ADAMTS10: variants seen among roughly 807,000 people sequenced by gnomAD.
The protein encoded by ADAMTS10 is A disintegrin and metalloproteinase with thrombospondin motifs 10.
In ADAMTS10, 48 loss-of-function variants were observed where a neutral mutation model predicts 135.9. The observed-to-expected ratio is 0.35, with a 90% confidence interval of 0.28 to 0.45. ADAMTS10 has a LOEUF of 0.45. Ranked by LOEUF, ADAMTS10 falls within the 20% of genes least tolerant of loss-of-function variation. ADAMTS10 has a pLI of 1.00. For synonymous variants in ADAMTS10, 621 were observed against 647.5 expected (o/e 0.96, Z 0.62); for missense variants, 1,131 against 1,565.2 (o/e 0.72, Z 4.68).
intron 5 of ADAMTS10, among the ~76,000 whole-genome samples, chr19:8,603,423 C>T (rs1196733572): frequency 2.0e-5 from 3 of 152,060 alleles, no homozygotes; most frequent in Non-Finnish European, 2.9e-5. Flanking sequence ...GACAGGCATG[C>T]GCCACCACGC....
Position 8,585,197 on chromosome 19 carries a change from C to T in ADAMTS10, c.2977G>A (p.Ala993Thr), listed in dbSNP as rs1555736599. 1 of 1,419,284 alleles carries T rather than the reference C, an allele frequency of 7.0e-7. No homozygotes were observed. Among genetic ancestry groups the T allele is most frequent in the Non-Finnish European group, 9.2e-7 (1 of 1,091,008 alleles). 87.9% of individuals were successfully genotyped at this position (1,419,284 alleles called of 1,614,324 possible). A position where few individuals can be genotyped will look rare whatever the true frequency, so the allele number is the denominator to read the frequency against. Residue 993 changes from alanine (A) to threonine (T), a missense_variant, in exon 24 of 26, where the codon GCC (alanine) becomes ACC (threonine). Transcript: ENST00000597188. ...CGGCGCAAGTTGCAGCGCATGGTGG[C>T]CGGTGGCTTGGCGGCGGGTGAGCAG... ...AHCSPAAKPP[A>T]TMRCNLRRCP...
rs368552790 is a variant in ADAMTS10, at chr19:8,595,775, T to A, written c.1466A>T (p.Gln489Leu). 65 of 1,436,476 alleles carry A rather than the reference T, an allele frequency of 4.5e-5. No homozygotes were observed. Among genetic ancestry groups the A allele is most frequent in the African/African-American group, 7.3e-5 (5 of 68,788 alleles). 89.0% of individuals were successfully genotyped at this position (1,436,476 alleles called of 1,614,324 possible). Residue 489 changes from glutamine (Q) to leucine (L), a missense_variant, in exon 12 of 26, where the codon CAG (glutamine) becomes CTG (leucine). By Grantham distance (113) the Gln-to-Leu change is moderately radical. Transcript: ENST00000597188. ...GACTCTCTCTACCCCGTATTTACAC[T>A]GACGCGATTTGACTCCATGCTGAAA... is the stretch of plus-strand genomic sequence containing the variant. ...CRFQHGVKSR[Q>L]CKYGEVCSEL...
intron 1 of ADAMTS10, among the ~76,000 whole-genome samples, chr19:8,608,715 G>A (rs376035247): frequency 2.6e-5 from 4 of 152,078 alleles, no homozygotes; most frequent in South Asian, 2.1e-4. Flanking sequence ...GGTCTGTCCT[G>A]GTCCCCCTAA....
At chr19:8,589,401 A>AACCCCCCCCCCCCCCCCACCCCCCACC in intron 17 of ADAMTS10, 36 bp from the exon 18 acceptor site, 5 of 1,599,424 alleles carry the variant, frequency 3.1e-6, no homozygotes, top group Admixed American at 1.7e-5. Context: ...CGACCCCCTA[A>AACCCCCCCCCCCCCCCCACCCCCCACC]CCCACCCCCG....
chr19:8,592,163 G>A, intron 13 of ADAMTS10, 60 bp from the exon 14 acceptor site: 1 of 1,612,124 alleles, frequency 6.2e-7, no homozygotes, highest in Non-Finnish European at 8.5e-7. Flanking sequence ...TCGGCCCCAT[G>A]CACCGTTCCC....
chr19:8,588,957 A>G (rs2042478116), intron 18 of ADAMTS10, among the ~76,000 whole-genome samples: 1 of 151,918 alleles, frequency 6.6e-6, no homozygotes, highest in African/African-American at 2.4e-5. Context: ...ACGCCCAGCT[A>G]ATTTTTGTAT....
intron 18 of ADAMTS10, 83 bp downstream of exon 18, chr19:8,589,159 C>G: frequency 7.5e-6 from 12 of 1,597,064 alleles, no homozygotes; most frequent in Non-Finnish European, 1.0e-5. Flanking sequence ...AGTTAGTGAT[C>G]TCAGCTACTG....
Position 8,605,747 on chromosome 19 carries a change from G to A in ADAMTS10, c.-37C>T. The A allele has an allele frequency of 6.4e-7, 1 of 1,569,948 alleles. No homozygotes were observed. ...GTCCACATGTCTCTCCCCAGCCCCG[G>A]CTGCCGGCAGCCCCCACAGTGCCGC... On this transcript the variant is annotated 5_prime_UTR_variant, in exon 3 of 26. Coordinates refer to ENST00000597188, the MANE Select transcript of ADAMTS10 (RefSeq NM_030957.4). This position sits in a 1 kb window ranked among gnomAD's most constrained non-coding sequence, Gnocchi z 7.7.
At chr19:8,592,920 GGGCAGCCCGCCC>G (rs1555739509) in intron 12 of ADAMTS10, 50 bp from the exon 13 acceptor site, 1 of 1,555,378 alleles carries the variant, frequency 6.4e-7, no homozygotes, top group South Asian at 1.1e-5. Context: ...TTCCTCCCTG[GGGCAGCCCGCCC>G]GGCTTGGGAG....
chr19:8,599,533 G>A (rs938251388), intron 6 of ADAMTS10, among the ~76,000 whole-genome samples: 2 of 152,020 alleles, frequency 1.3e-5, no homozygotes, highest in Non-Finnish European at 2.9e-5. Context: ...GTTTCACCAT[G>A]TTAGCCAGGC....
At position 8,592,756 on chromosome 19, in the gene ADAMTS10, C is replaced by T. The variant is rs782653019; in HGVS notation, c.1587+7G>A. On this transcript the variant is annotated splice_region_variant and intron_variant, in intron 13 of 25. Transcript: ENST00000597188. ...TGGCCCAGTTGGGGGCCCTGGCCGG[C>T]GCTCACCCCCTTGTCGATGGTGTGC... 11 of 1,608,386 alleles carry T rather than the reference C, an allele frequency of 6.8e-6. No homozygotes were observed. The highest frequency in any genetic ancestry group is 1.1e-5 in the South Asian group (1 of 90,616).
chr19:8,583,338 C>T (rs545280063), intron 25 of ADAMTS10, among the ~76,000 whole-genome samples: 78 of 150,864 alleles, frequency 5.2e-4, no homozygotes, highest in South Asian at 3.6e-3. Flanking sequence ...GTCAGGAATT[C>T]GAGACCAGCC....
At chr19:8,586,086 TCACC>T (rs1388637354) in intron 22 of ADAMTS10, 32 bp downstream of exon 22, 3 of 1,611,826 alleles carry the variant, frequency 1.9e-6, no homozygotes, top group Non-Finnish European at 2.5e-6. Flanking sequence ...TACTCTCCTC[TCACC>T]CTGAGCAACA....
intron 6 of ADAMTS10, among the ~76,000 whole-genome samples, chr19:8,599,493 G>C (rs2042640063): frequency 6.6e-6 from 1 of 151,996 alleles, no homozygotes; most frequent in African/African-American, 2.4e-5. Context: ...ACCACGCTCA[G>C]CTAATTTTTG....
chr19:8,587,791 C>T (rs1223329648), intron 18 of ADAMTS10, among the ~76,000 whole-genome samples: 2 of 151,388 alleles, frequency 1.3e-5, no homozygotes, highest in East Asian at 2.0e-4. Flanking sequence ...ATTAGCCAGG[C>T]GTGGTGGCGG....
Position 8,586,616 on chromosome 19 carries a change from G to A in ADAMTS10, c.2345C>T (p.Pro782Leu). ...AGTTFQLRQG[P>L]DQVQSLEALG... ...GGCTTCGAGGCTCTGGACCTGGTCTGGCCCCTGTCGCAGTTGAAAGGTGGT... is the reference window on the plus strand; with the variant it reads ...GGCTTCGAGGCTCTGGACCTGGTCTAGCCCCTGTCGCAGTTGAAAGGTGGT... Residue 782 changes from proline to leucine, a missense_variant, in exon 20 of 26, where the codon CCA becomes CTA. Pro to Leu is a moderately conservative substitution (Grantham distance 98). Transcript: ENST00000597188. 2 of 1,614,052 alleles carry A rather than the reference G, an allele frequency of 1.2e-6. No homozygotes were observed. The highest frequency in any genetic ancestry group is 1.7e-6 in the Non-Finnish European group (2 of 1,180,004).
At position 8,586,419 on chromosome 19, in the gene ADAMTS10, T is replaced by G; in HGVS notation, c.2455A>C (p.Ile819Leu). Residue 819 changes from isoleucine (I) to leucine (L), a missense_variant, in exon 21 of 26, where the codon ATC (isoleucine) becomes CTC (leucine). Ile to Leu is a conservative substitution (Grantham distance 5, BLOSUM62 2). Transcript: ENST00000597188. ...PALRYRFNAP[I>L]ARDSLPPYSW... ...TAGGGGGGCAGCGAGTCACGGGCGA[T>G]GGGGGCATTGAAGCGGTAGCGGAGG... is the stretch of plus-strand genomic sequence containing the variant. 6.2e-7 allele frequency: 1 copy of G among 1,613,762 alleles called. No homozygotes were observed.
rs2042715578 is a variant in ADAMTS10 at position 8,605,760 on chromosome 19, C to A, written c.-50G>T. The A allele has an allele frequency of 6.4e-7, 1 of 1,557,526 alleles. No individual in the cohort carries two copies. The highest frequency in any genetic ancestry group is 1.9e-5 in the Admixed American group (1 of 52,590). On this transcript the variant is annotated 5_prime_UTR_variant, in exon 3 of 26. Coordinates refer to ENST00000597188, the MANE Select transcript of ADAMTS10 (RefSeq NM_030957.4). The surrounding 1 kb of genome is among the most constrained non-coding windows in gnomAD (Gnocchi z 7.7). ...TCCCCAGCCCCGGCTGCCGGCAGCC[C>A]CCACAGTGCCGCCTCCCCTGTTCAC... is the stretch of plus-strand genomic sequence containing the variant.
At chr19:8,608,455 T>C (rs753533824) in intron 1 of ADAMTS10, among the ~76,000 whole-genome samples, 4 of 152,074 alleles carry the variant, frequency 2.6e-5, no homozygotes, top group African/African-American at 4.8e-5. Context: ...TGCTTCTTCT[T>C]CCCTATTCCT....
Sources: allele counts gnomAD v4.1 joint callset (sites outside exome capture counted in the v4.1 genomes callset), GRCh38; gene constraint gnomAD v4.1.1; non-coding constraint Gnocchi (gnomAD v3.1); transcripts MANE v1.5; gene names NCBI Gene and HGNC (gene_info 2026-07-23, HGNC 2026-07-21).